DAB1: variants seen among roughly 807,000 people sequenced by gnomAD.
DAB1 encodes the protein DAB adaptor protein 1, also known as disabled homolog 1.
DAB1 carries 15 observed loss-of-function variants against 64.6 expected under a neutral mutation model. That is an observed-to-expected ratio of 0.23 (90% CI 0.16 to 0.36). DAB1 has a LOEUF of 0.36. Ranked by LOEUF, DAB1 falls within the 10% of genes least tolerant of loss-of-function variation. The pLI is 1.00. For synonymous variants in DAB1, 235 were observed against 251.9 expected (o/e 0.93, Z 0.64); for missense variants, 596 against 706.7 (o/e 0.84, Z 1.78).
chr1:57,908,994 G>A (rs569270814), intron 5 of DAB1, among the ~76,000 whole-genome samples: 16 of 152,298 alleles, frequency 1.1e-4, no homozygotes, highest in South Asian at 4.1e-4. Context: ...CCTATTTTAC[G>A]TGATACAGAG....
rs540028057 is a variant in DAB1, at chr1:57,578,107, G to A, written n.625+71485C>T. Among the ~76,000 whole-genome samples the A allele has an allele frequency of 4.6e-5, 7 of 152,288 alleles. No individual in the cohort carries two copies. The South Asian group carries it at 1.0e-3, about 23-fold the overall frequency. On this transcript the variant is annotated intron_variant and non_coding_transcript_variant, in intron 7 of 20. Coordinates refer to the DAB1 transcript ENST00000485760. ...ATTCTGGCATTTTCATTTATCATGC[G>A]AATGAAAGAAGTTAAATTAGGTCAT...
chr1:57,992,225 T>A (rs1165095639), intron 5 of DAB1, among the ~76,000 whole-genome samples: 3 of 152,220 alleles, frequency 2.0e-5, no homozygotes, highest in Non-Finnish European at 4.4e-5. Flanking sequence ...GCATTGTAGC[T>A]ACCTTGGTCA....
chr1:57,605,996 C>A, intron 7 of DAB1: 2 of 667,498 alleles, frequency 3.0e-6, no homozygotes, highest in South Asian at 2.8e-5. Context: ...GAACCTTCAC[C>A]ACAAGGAGTT....
At chr1:57,055,102 T>C (rs1281115208) in intron 9 of DAB1, among the ~76,000 whole-genome samples, 1 of 152,222 alleles carries the variant, frequency 6.6e-6, no homozygotes, top group Non-Finnish European at 1.5e-5. Context: ...TCAGCAAGCA[T>C]TTATGCTGTT....
chr1:58,185,712 A>G (rs1356908933), intron 4 of DAB1, among the ~76,000 whole-genome samples: 1 of 152,186 alleles, frequency 6.6e-6, no homozygotes, highest in Non-Finnish European at 1.5e-5. Context: ...CCAGCCAGCA[A>G]TGTCACCTAT....
intron 5 of DAB1, among the ~76,000 whole-genome samples, chr1:57,951,347 T>C (rs1645276307): frequency 6.9e-6 from 1 of 144,428 alleles, no homozygotes; most frequent in African/African-American, 2.5e-5. Context: ...CCTGGAAACT[T>C]AAATTAGCCC....
chr1:57,670,778 A>G (rs561769390), intron 6 of DAB1, among the ~76,000 whole-genome samples: 1 of 152,234 alleles, frequency 6.6e-6, no homozygotes, highest in South Asian at 2.1e-4. Flanking sequence ...TTGAACATGA[A>G]GAAATACTTT....
At chr1:57,346,158 A>G (rs1415253999) in intron 1 of DAB1, among the ~76,000 whole-genome samples, 3 of 152,220 alleles carry the variant, frequency 2.0e-5, no homozygotes, top group Non-Finnish European at 4.4e-5. Context: ...GGGCTGAGCA[A>G]TGAATCTCAG....
intron 7 of DAB1, among the ~76,000 whole-genome samples, chr1:57,445,361 G>C (rs773606753): frequency 1.3e-5 from 2 of 152,078 alleles, no homozygotes; most frequent in Non-Finnish European, 2.9e-5. Flanking sequence ...TATCTGACTA[G>C]CCCAAGGTCA....
At chr1:57,101,573 C>T (rs943877457) in intron 4 of DAB1, among the ~76,000 whole-genome samples, 1 of 152,172 alleles carries the variant, frequency 6.6e-6, no homozygotes, top group African/African-American at 2.4e-5. Flanking sequence ...TCTGGCAGAG[C>T]CATTGAAATA....
chr1:58,468,724 A>C (rs1439363959), intron 3 of DAB1: 2 of 152,316 alleles, frequency 1.3e-5, no homozygotes, highest in Non-Finnish European at 2.9e-5. Context: ...CAGTTCTAAG[A>C]AAGTTTTGGC....
At chr1:57,805,595 G>T (rs1651323535) in intron 6 of DAB1, among the ~76,000 whole-genome samples, 1 of 152,116 alleles carries the variant, frequency 6.6e-6, no homozygotes, top group Admixed American at 6.5e-5. Context: ...ACGTATTGAT[G>T]ACTTCCAAAT....
intron 2 of DAB1, among the ~76,000 whole-genome samples, chr1:57,205,999 T>C (rs1665505607): frequency 6.6e-6 from 1 of 152,226 alleles, no homozygotes; most frequent in Non-Finnish European, 1.5e-5. Flanking sequence ...TAAGCATTTG[T>C]CCAATTTAAA....
At chr1:58,351,234 C>T (rs1413113885) in intron 3 of DAB1, among the ~76,000 whole-genome samples, 3 of 151,834 alleles carry the variant, frequency 2.0e-5, no homozygotes, top group African/African-American at 4.8e-5. Flanking sequence ...CAAATGGGCT[C>T]GTTTAAGGGA....
intron 7 of DAB1, among the ~76,000 whole-genome samples, chr1:57,565,282 A>C (rs185440965): frequency 6.6e-6 from 1 of 152,350 alleles, no homozygotes; most frequent in East Asian, 1.9e-4. Flanking sequence ...AGCACTAAAC[A>C]TGGAAAGGAA....
rs892341272 is a variant in DAB1, at chr1:58,385,860, T to C, written n.258-42457A>G. Among the ~76,000 whole-genome samples the C allele has an allele frequency of 3.9e-5, 6 of 152,296 alleles. No individual in the cohort carries two copies. In the South Asian group the frequency reaches 6.2e-4, roughly 16 times the overall value. ...GCTTGTAAAGCTGCTTGGTGAACAC[T>C]GCGTTAATCAAATGTCAGAGCGAGG... On this transcript the variant is annotated intron_variant and non_coding_transcript_variant, in intron 3 of 20. Coordinates refer to the DAB1 transcript ENST00000485760.
intron 1 of DAB1, chr1:58,541,641 A>AG (rs1646621614): frequency 7.5e-6 from 1 of 133,092 alleles, no homozygotes; most frequent in East Asian, 2.2e-4. Flanking sequence ...AAAAAAAAAA[A>AG]CCAAAAACAA....
chr1:58,435,034 A>C (rs1368833057), intron 3 of DAB1, among the ~76,000 whole-genome samples: 1 of 152,200 alleles, frequency 6.6e-6, no homozygotes, highest in Non-Finnish European at 1.5e-5. Context: ...GAAATAGCAG[A>C]TGCCCTCAAG....
At chr1:57,073,574 A>G (rs960052854) in intron 4 of DAB1, among the ~76,000 whole-genome samples, 1 of 152,116 alleles carries the variant, frequency 6.6e-6, no homozygotes, top group East Asian at 1.9e-4. Context: ...GTATGTTTAA[A>G]GTCCTTATAA....
Sources: allele counts gnomAD v4.1 joint callset (sites outside exome capture counted in the v4.1 genomes callset), GRCh38; gene constraint gnomAD v4.1.1; transcripts MANE v1.5; gene names NCBI Gene and HGNC (gene_info 2026-07-23, HGNC 2026-07-21).